The following DPRX variants were observed in gnomAD, a reference collection of about 807,000 sequenced individuals.
DPRX encodes divergent paired-related homeobox.
Under a neutral mutation model 8.4 loss-of-function variants are expected in DPRX, and 11 were observed. The ratio of observed to expected loss-of-function variants is 1.31; its 90% CI spans 0.82 to 2.17. DPRX has a LOEUF of 2.17. Among genes scored for constraint, DPRX ranks in the 30% most tolerant of loss-of-function variants. The pLI is 0.00. For synonymous variants in DPRX, 72 were observed against 87.0 expected (o/e 0.83, Z 0.96); for missense variants, 211 against 236.7 (o/e 0.89, Z 0.71).
the DPRX span, among the ~76,000 whole-genome samples, chr19:53,612,384 C>T: frequency 6.6e-6 from 1 of 151,160 alleles, no homozygotes; most frequent in Admixed American, 6.6e-5. Flanking sequence ...AAAAACAAAA[C>T]ACAAAAAAGC....
At chr19:53,618,976 C>G in the DPRX span, among the ~76,000 whole-genome samples, 5 of 152,058 alleles carry the variant, frequency 3.3e-5, no homozygotes, top group African/African-American at 1.2e-4. Context: ...GCCACCGCGC[C>G]CAGCCAGTAG....
the DPRX span, among the ~76,000 whole-genome samples, chr19:53,623,839 A>G: frequency 6.6e-6 from 1 of 151,238 alleles, no homozygotes; most frequent in Non-Finnish European, 1.5e-5. Context: ...AATCCCAGTT[A>G]CTCAGGAGGC....
chr19:53,627,583 C>T (rs2091076345), upstream of DPRX, among the ~76,000 whole-genome samples: 1 of 151,110 alleles, frequency 6.6e-6, no homozygotes, highest in Non-Finnish European at 1.5e-5. Context: ...ATCACAGGCG[C>T]CTACCACCAT....
At chr19:53,623,180 G>A in the DPRX span, among the ~76,000 whole-genome samples, 2 of 151,920 alleles carry the variant, frequency 1.3e-5, no homozygotes, top group Admixed American at 6.6e-5. Context: ...GGTGGCAGGC[G>A]CCTGTAGTCC....
At chr19:53,634,768 T>A in intron 2 of DPRX, 83 bp downstream of exon 2, 2 of 1,496,824 alleles carry the variant, frequency 1.3e-6, no homozygotes, top group Non-Finnish European at 1.8e-6. Flanking sequence ...ATTCCTGAGG[T>A]CTCATTCCAA....
chr19:53,603,435 G>C, the DPRX span: 1 of 456,294 alleles, frequency 2.2e-6, no homozygotes, highest in South Asian at 1.5e-5. Flanking sequence ...ACTCGCCGGA[G>C]TGCTGGACGC....
chr19:53,630,243 C>T (rs2091087499), upstream of DPRX, among the ~76,000 whole-genome samples: 1 of 150,034 alleles, frequency 6.7e-6, no homozygotes, highest in Non-Finnish European at 1.5e-5. Context: ...TCATGCTGAT[C>T]AGTAGTGGAA....
At chr19:53,604,432 G>A in the DPRX span, 56,572 of 152,122 alleles carry the variant, frequency 0.37, 12,312 homozygotes, top group African/African-American at 0.6. Flanking sequence ...AAGCCACCAA[G>A]GAGTAAGCAA....
chr19:53,630,097 C>T (rs1394940683), upstream of DPRX: 1 of 151,710 alleles, frequency 6.6e-6, no homozygotes, highest in East Asian at 1.9e-4. Context: ...CCTATAATCC[C>T]AGCTATTTGG....
upstream of DPRX, among the ~76,000 whole-genome samples, chr19:53,631,324 T>C (rs1256214587): frequency 6.6e-6 from 1 of 151,772 alleles, no homozygotes; most frequent in African/African-American, 2.4e-5. Flanking sequence ...AATGAGATGA[T>C]TTCTGAGTGA....
chr19:53,627,141 C>T (rs1209967336), upstream of DPRX, among the ~76,000 whole-genome samples: 4 of 152,264 alleles, frequency 2.6e-5, no homozygotes, highest in East Asian at 1.9e-4. Context: ...AGACTCCACC[C>T]GCAGAGATTC....
exon 3 of DPRX, chr19:53,636,827 G>T: frequency 6.2e-7 from 1 of 1,614,062 alleles, no homozygotes; most frequent in Non-Finnish European, 8.5e-7. Flanking sequence ...CAACCTCAAG[G>T]TCCCTGCAAA....
At chr19:53,608,950 C>A in the DPRX span, among the ~76,000 whole-genome samples, 31 of 39,218 alleles carry the variant, frequency 7.9e-4, no homozygotes, top group African/African-American at 3.6e-3. Flanking sequence ...AGTGAGACTC[C>A]GTCAAAAAAA....
chr19:53,631,253 T>C (rs2091091489), upstream of DPRX, among the ~76,000 whole-genome samples: 2 of 151,064 alleles, frequency 1.3e-5, no homozygotes, highest in East Asian at 4.1e-4. Context: ...ATCGTGCCAC[T>C]GCACTCCAGC....
chr19:53,632,825 T>G (rs889028110), intron 1 of DPRX, among the ~76,000 whole-genome samples: 41 of 152,310 alleles, frequency 2.7e-4, no homozygotes, highest in African/African-American at 9.9e-4. Flanking sequence ...CTCGTAGTTG[T>G]GTCCTAATTC....
chr19:53,616,909 C>CTGG, the DPRX span: 2 of 1,447,948 alleles, frequency 1.4e-6, no homozygotes, highest in Non-Finnish European at 1.9e-6. Context: ...TATGTATGCT[C>CTGG]TGGTGGTGGT....
At chr19:53,603,750 T>C in the DPRX span, among the ~76,000 whole-genome samples, 3 of 150,202 alleles carry the variant, frequency 2.0e-5, no homozygotes, top group African/African-American at 7.3e-5. Context: ...TTCTTTCTTT[T>C]TTTTTTTTTT....
chr19:53,607,813 C>T, the DPRX span, among the ~76,000 whole-genome samples: 102,594 of 150,430 alleles, frequency 0.68, 35,017 homozygotes, highest in Admixed American at 0.75. Flanking sequence ...ATTGTGCGAC[C>T]GAAATTTGGC....
chr19:53,632,143 G>GA lies in DPRX; in HGVS notation c.28+15dup, dbSNP rs1383079763. The GA allele has an allele frequency of 1.9e-6, 3 of 1,614,008 alleles. No individual in the cohort carries two copies. Among genetic ancestry groups the GA allele is most frequent in the Non-Finnish European group, 2.5e-6 (3 of 1,179,972 alleles). ...AGAGGATCTTCGTAAAGGTAAGCCA[G>GA]AAAAAATGAGAACCGAAGCAAAGAC... On this transcript the variant is annotated intron_variant, in intron 1 of 2. Coordinates refer to ENST00000376650, the Ensembl canonical transcript of DPRX.
Sources: gnomAD v4.1 joint callset for allele counts (sites outside exome capture counted in the v4.1 genomes callset) on GRCh38, gnomAD v4.1.1 for gene constraint, MANE v1.5 for transcripts, NCBI Gene and HGNC (gene_info 2026-07-23, HGNC 2026-07-21) for gene names.